MSRA: variants seen among roughly 807,000 people sequenced by gnomAD.
MSRA encodes mitochondrial peptide methionine sulfoxide reductase.
Under a neutral mutation model 31.3 loss-of-function variants are expected in MSRA, and 54 were observed. The observed-to-expected ratio is 1.73, with a 90% CI of 1.39 to 2.17. The LOEUF (loss-of-function observed/expected upper bound fraction) is 2.17. MSRA is among the 30% of genes most tolerant of loss of function. MSRA has a pLI of 0.00. For synonymous variants in MSRA, 169 were observed against 116.5 expected, an observed-to-expected ratio of 1.45 and a Z score of -2.90; for missense variants, 507 against 300.9, an observed-to-expected ratio of 1.69 and a Z score of -5.07.
chr8:10,113,627 G>A (rs192380493), intron 1 of MSRA, among the ~76,000 whole-genome samples: 18 of 152,066 alleles, frequency 1.2e-4, no homozygotes, highest in Admixed American at 2.6e-4. Context: ...GAAAGAGAAT[G>A]AGACAGAGCA....
At chr8:10,220,254 C>A (rs1416113187) in intron 2 of MSRA, among the ~76,000 whole-genome samples, 1 of 152,238 alleles carries the variant, frequency 6.6e-6, no homozygotes, top group Non-Finnish European at 1.5e-5. Context: ...AGTTTCCTTG[C>A]TGAGCTCACT....
At chr8:10,317,177 G>T (rs1387451165) in intron 4 of MSRA, among the ~76,000 whole-genome samples, 5 of 152,214 alleles carry the variant, frequency 3.3e-5, no homozygotes, top group African/African-American at 9.6e-5. Context: ...AGACCCTGAG[G>T]CGTTGTTCCT....
In MSRA at chr8:10,260,040, G is replaced by C. The variant is rs531491405; in HGVS notation, c.331+14817G>C. Among the ~76,000 whole-genome samples, 6 of 152,368 alleles carry C rather than the reference G, an allele frequency of 3.9e-5. No homozygotes were observed. The South Asian group carries it at 1.2e-3, about 32-fold the overall frequency. On this transcript the variant is annotated intron_variant, in intron 3 of 5. Transcript: ENST00000317173. The stretch of plus-strand genomic sequence containing the variant: ...AGAATGCATCAGAGGGAGCAGTTCC[G>C]GGAAAGAGAAAACAACCAAGTCATT...
intron 3 of MSRA, among the ~76,000 whole-genome samples, chr8:10,256,867 A>C (rs1585291364): frequency 6.6e-6 from 1 of 152,190 alleles, no homozygotes; most frequent in Non-Finnish European, 1.5e-5. Context: ...CTTGGGCTTC[A>C]TCTCCTGCCC....
chr8:10,279,697 C>G (rs1181713534), intron 3 of MSRA, among the ~76,000 whole-genome samples: 3 of 152,170 alleles, frequency 2.0e-5, no homozygotes, highest in Non-Finnish European at 4.4e-5. Context: ...CTAGAAGGCA[C>G]AAGATATTTT....
Position 10,098,061 on chromosome 8 carries a change from C to T in MSRA, c.142+43403C>T, listed in dbSNP as rs533622364. Among the ~76,000 whole-genome samples, 18 of 152,052 alleles carry T rather than the reference C, an allele frequency of 1.2e-4. No individual in the cohort carries two copies. The South Asian group carries it at 2.9e-3, about 25-fold the overall frequency. ...AAAAAAAAGTGTGATTAAGAAGTTGCGTTGATTACATTTTTTTAAAAAGAC... is the reference window on the plus strand; with the variant it reads ...AAAAAAAAGTGTGATTAAGAAGTTGTGTTGATTACATTTTTTTAAAAAGAC... On this transcript the variant is annotated intron_variant, in intron 1 of 5. Coordinates refer to ENST00000317173, the MANE Select transcript of MSRA (RefSeq NM_012331.5).
At chr8:10,093,802 G>T (rs1417399145) in intron 1 of MSRA, among the ~76,000 whole-genome samples, 1 of 152,064 alleles carries the variant, frequency 6.6e-6, no homozygotes, top group Admixed American at 6.6e-5. Flanking sequence ...TGTAGAGCAG[G>T]TCTGCTAGTA....
chr8:10,136,684 A>C (rs1802308151), intron 1 of MSRA, among the ~76,000 whole-genome samples: 1 of 152,212 alleles, frequency 6.6e-6, no homozygotes, highest in South Asian at 2.1e-4. Flanking sequence ...AAGCTTCTGC[A>C]GTAGCATCAT....
At chr8:10,162,586 G>A (rs1804759381) in intron 1 of MSRA, among the ~76,000 whole-genome samples, 2 of 152,160 alleles carry the variant, frequency 1.3e-5, no homozygotes, top group Admixed American at 6.5e-5. Context: ...GGGGGTCCAG[G>A]GGGCCTGTCA....
At chr8:10,149,251 A>G (rs1217701457) in intron 1 of MSRA, among the ~76,000 whole-genome samples, 4 of 151,908 alleles carry the variant, frequency 2.6e-5, no homozygotes, top group Non-Finnish European at 5.9e-5. Context: ...CCTCCCAAGT[A>G]TCTGGGATTA....
chr8:10,399,099 G>A (rs1320191043), intron 5 of MSRA, among the ~76,000 whole-genome samples: 3 of 152,196 alleles, frequency 2.0e-5, no homozygotes, highest in African/African-American at 7.2e-5. Flanking sequence ...TCCAAAGGCT[G>A]CAAAACTTTA....
chr8:10,061,177 T>C (rs1352666386), intron 1 of MSRA, among the ~76,000 whole-genome samples: 1 of 152,184 alleles, frequency 6.6e-6, no homozygotes, highest in Non-Finnish European at 1.5e-5. Context: ...ACTGTGTCCC[T>C]GTAGAACCCC....
intron 1 of MSRA, among the ~76,000 whole-genome samples, chr8:10,090,359 C>T (rs1798794906): frequency 6.6e-6 from 1 of 152,148 alleles, no homozygotes; most frequent in Admixed American, 6.5e-5. Context: ...GAAGTCAAAA[C>T]AGTAAGGCAC....
At chr8:10,371,128 T>A (rs1280519167) in intron 5 of MSRA, among the ~76,000 whole-genome samples, 2 of 152,206 alleles carry the variant, frequency 1.3e-5, no homozygotes, top group Non-Finnish European at 2.9e-5. Context: ...AGTGTCATGA[T>A]AGATGATTAG....
chr8:10,391,205 A>C (rs181314339), intron 5 of MSRA, among the ~76,000 whole-genome samples: 225 of 152,294 alleles, frequency 1.5e-3, no homozygotes, highest in African/African-American at 5.3e-3. Flanking sequence ...TCTTTAAGTC[A>C]TTGGTCACAC....
intron 5 of MSRA, among the ~76,000 whole-genome samples, chr8:10,387,448 A>G (rs1806464569): frequency 6.6e-6 from 1 of 152,230 alleles, no homozygotes; most frequent in Non-Finnish European, 1.5e-5. Flanking sequence ...ATGAGACTCT[A>G]AGAAGGGTCA....
intron 1 of MSRA, among the ~76,000 whole-genome samples, chr8:10,119,676 A>C (rs1418580258): frequency 1.3e-5 from 2 of 152,224 alleles, no homozygotes; most frequent in Admixed American, 1.3e-4. Flanking sequence ...ATTATTGGAG[A>C]GCACCAGGTT....
intron 3 of MSRA, among the ~76,000 whole-genome samples, chr8:10,249,940 C>T (rs562090997): frequency 5.9e-4 from 90 of 152,282 alleles, no homozygotes; most frequent in African/African-American, 2.0e-3. Context: ...AAATATGCCA[C>T]TTACTGGAAA....
chr8:10,129,446 T>C (rs1801740166), intron 1 of MSRA, among the ~76,000 whole-genome samples: 1 of 152,078 alleles, frequency 6.6e-6, no homozygotes, highest in African/African-American at 2.4e-5. Context: ...GGTGAAATAA[T>C]TTCTTGGAAT....
Sources: allele counts gnomAD v4.1 joint callset (sites outside exome capture counted in the v4.1 genomes callset), GRCh38; gene constraint gnomAD v4.1.1; transcripts MANE v1.5; gene names NCBI Gene and HGNC (gene_info 2026-07-23, HGNC 2026-07-21).